Variants in DAP observed in about 807,000 individuals in gnomAD.
DAP encodes death-associated protein 1.
A neutral mutation model predicts 13.8 loss-of-function variants in DAP; 8 were observed. That is an observed-to-expected ratio of 0.58 (90% confidence interval 0.34 to 1.05). The LOEUF is 1.05. Ranked by LOEUF, DAP falls within the 50% of genes least tolerant of loss-of-function variation. The pLI is 0.03. For synonymous variants in DAP, 47 were observed against 47.5 expected (o/e 0.99, Z 0.04); for missense variants, 106 against 133.2 (o/e 0.80, Z 1.01).
intron 2 of DAP, among the ~76,000 whole-genome samples, chr5:10,685,661 C>T (rs1358413821): frequency 1.3e-5 from 2 of 152,202 alleles, no homozygotes; most frequent in Non-Finnish European, 2.9e-5. Context: ...AAGGCACAGC[C>T]GTCTTTCCGT....
At chr5:10,750,251 C>T (rs571852040) in intron 1 of DAP, among the ~76,000 whole-genome samples, 5 of 152,160 alleles carry the variant, frequency 3.3e-5, no homozygotes, top group South Asian at 4.2e-4. Flanking sequence ...TGCTGATGAA[C>T]GGGAAGGAGA....
intron 2 of DAP, among the ~76,000 whole-genome samples, chr5:10,730,171 G>C (rs55760558): frequency 0.089 from 13,491 of 152,294 alleles, 814 homozygotes; most frequent in African/African-American, 0.17. Context: ...CAGTGGCATG[G>C]CTGCCCTGTG....
intron 2 of DAP, among the ~76,000 whole-genome samples, chr5:10,726,094 C>T (rs774618463): frequency 1.3e-5 from 2 of 152,202 alleles, no homozygotes; most frequent in East Asian, 1.9e-4. Flanking sequence ...CAACAGGACA[C>T]ATGACAGATG....
rs191232225 is a variant in DAP, at chr5:10,719,730, A to G, written c.152+28445T>C. On this transcript the variant is annotated intron_variant, in intron 2 of 3. Coordinates refer to ENST00000230895, the MANE Select transcript of DAP (RefSeq NM_004394.3). ...CGTCCTGAAGGCATAAGTAAGTTACATGAGGAAGTGGCTCAAATGCCCATG... is the reference window on the plus strand; with the variant it reads ...CGTCCTGAAGGCATAAGTAAGTTACGTGAGGAAGTGGCTCAAATGCCCATG... 4.8e-3 allele frequency among the ~76,000 whole-genome samples: 736 copies of G among 152,324 alleles called. 6 individuals are homozygous for G. The highest frequency in any genetic ancestry group is 0.017 in the African/African-American group (693 of 41,570).
At chr5:10,687,815 C>CTATCAAACAACATTG (rs1245032315) in intron 2 of DAP, among the ~76,000 whole-genome samples, 31 of 151,746 alleles carry the variant, frequency 2.0e-4, no homozygotes, top group Non-Finnish European at 1.2e-4. Context: ...GGGTAAAATG[C>CTATCAAACAACATTG]TATCAAACAA....
chr5:10,739,201 C>CAAAAAAAAAAAAAAAAAAAAA (rs10644743), intron 2 of DAP, among the ~76,000 whole-genome samples: 4 of 71,604 alleles, frequency 5.6e-5, no homozygotes, highest in African/African-American at 1.7e-4. Flanking sequence ...GACTCTGAAT[C>CAAAAAAAAAAAAAAAAAAAAA]AAAAAAAAAA....
intron 1 of DAP, among the ~76,000 whole-genome samples, chr5:10,751,821 C>T (rs1740054365): frequency 6.6e-6 from 1 of 152,200 alleles, no homozygotes; most frequent in African/African-American, 2.4e-5. Flanking sequence ...GGAGAGAGGT[C>T]TCAGGAGAAA....
intron 2 of DAP, among the ~76,000 whole-genome samples, chr5:10,710,009 G>A (rs1014247347): frequency 4.6e-5 from 7 of 152,190 alleles, no homozygotes; most frequent in African/African-American, 1.4e-4. Flanking sequence ...TGATGCTGGC[G>A]CTGCTCGAGG....
rs1433526832 is a variant in DAP, at chr5:10,681,031, T to C, written c.*25A>G. 5 of 1,573,382 alleles carry C rather than the reference T, an allele frequency of 3.2e-6. No individual in the cohort carries two copies. The highest frequency in any genetic ancestry group is 1.3e-5 in the African/African-American group (1 of 74,448). On this transcript the variant is annotated 3_prime_UTR_variant, in exon 4 of 4. Coordinates refer to ENST00000230895, the MANE Select transcript of DAP (RefSeq NM_004394.3). ...ACCAAGTGCAGCAGAGCCGGGGCCA[T>C]GGGGCAGGCTGGTGGACTCCAGGCT...
intron 2 of DAP, among the ~76,000 whole-genome samples, chr5:10,745,902 T>A (rs1179324427): frequency 6.6e-6 from 1 of 152,186 alleles, no homozygotes; most frequent in African/African-American, 2.4e-5. Context: ...TACTACAGGC[T>A]TACACACTCT....
intron 2 of DAP, among the ~76,000 whole-genome samples, chr5:10,692,677 T>C (rs888878878): frequency 9.2e-5 from 14 of 152,174 alleles, no homozygotes; most frequent in African/African-American, 3.1e-4. Context: ...TGCCTAGAAC[T>C]GTACGCGACA....
At chr5:10,718,809 C>G (rs1739061293) in intron 2 of DAP, among the ~76,000 whole-genome samples, 3 of 152,248 alleles carry the variant, frequency 2.0e-5, no homozygotes, top group East Asian at 3.9e-4. Flanking sequence ...TTGCCTTCAT[C>G]TGGCAAGACC....
intron 1 of DAP, 81 bp downstream of exon 1, chr5:10,760,933 C>T (rs1171666940): frequency 5.3e-6 from 5 of 941,730 alleles, no homozygotes; most frequent in Non-Finnish European, 6.8e-6. Flanking sequence ...GGGCCCTCCC[C>T]GCGGAGCCCC....
intron 2 of DAP, among the ~76,000 whole-genome samples, chr5:10,738,976 G>A (rs1213986889): frequency 6.6e-6 from 1 of 151,896 alleles, no homozygotes; most frequent in Non-Finnish European, 1.5e-5. Flanking sequence ...GCTGAGGAGG[G>A]TGGATCACAA....
chr5:10,760,268 G>T (rs1230858851), intron 1 of DAP, among the ~76,000 whole-genome samples: 17 of 152,146 alleles, frequency 1.1e-4, no homozygotes, highest in Admixed American at 1.1e-3. Context: ...TGGGCCGACT[G>T]CCACTGGAAA....
chr5:10,684,518 C>A (rs1454664698), intron 2 of DAP, among the ~76,000 whole-genome samples: 1 of 152,226 alleles, frequency 6.6e-6, no homozygotes, highest in African/African-American at 2.4e-5. Context: ...AAATCGCCAG[C>A]AGGTCTACCA....
At position 10,711,339 on chromosome 5, in the gene DAP, C is replaced by T. The variant is rs5745234; in HGVS notation, c.153-27768G>A. Among the ~76,000 whole-genome samples, 68 of 152,288 alleles carry T rather than the reference C, an allele frequency of 4.5e-4. No homozygotes were observed. In the East Asian group the frequency reaches 0.011, roughly 25 times the overall value. On this transcript the variant is annotated intron_variant, in intron 2 of 3. Coordinates refer to ENST00000230895, the MANE Select transcript of DAP (RefSeq NM_004394.3). ...ATTTGAACTTTGCCCTGATGCCAGG[C>T]GATCCATGTCTGCATCCACCCTCTA...
At chr5:10,718,613 G>A (rs1025841851) in intron 2 of DAP, among the ~76,000 whole-genome samples, 1 of 152,220 alleles carries the variant, frequency 6.6e-6, no homozygotes, top group Non-Finnish European at 1.5e-5. Context: ...AAGACAGGTG[G>A]ATCTTGGGGA....
intron 1 of DAP, among the ~76,000 whole-genome samples, chr5:10,751,840 GCCAA>G (rs1290063987): frequency 6.6e-6 from 1 of 152,228 alleles, no homozygotes; most frequent in Admixed American, 6.5e-5. Context: ...AAGCAGAGCT[GCCAA>G]CACCTTGATC....
Sources: allele counts gnomAD v4.1 joint callset (sites outside exome capture counted in the v4.1 genomes callset), GRCh38; gene constraint gnomAD v4.1.1; transcripts MANE v1.5; gene names NCBI Gene and HGNC (gene_info 2026-07-23, HGNC 2026-07-21).